The following EFNB2 variants were observed in gnomAD, a reference collection of about 807,000 sequenced individuals.
EFNB2 encodes the protein ephrin B2.
A neutral mutation model predicts 32.1 loss-of-function variants in EFNB2; 5 were observed. The ratio of observed to expected loss-of-function variants is 0.16; its 90% CI spans 0.08 to 0.33. EFNB2 has a LOEUF of 0.33. Among genes scored for constraint, EFNB2 ranks in the 10% least tolerant of loss-of-function variants. The probability of loss-of-function intolerance (pLI) is 1.00; values close to 1 mark genes in which losing one functional copy is unlikely to be tolerated. For missense variants in EFNB2, 263 were observed against 422.6 expected, an observed-to-expected ratio of 0.62 and a Z score of 3.31; for synonymous variants, 168 against 166.5, an observed-to-expected ratio of 1.01 and a Z score of -0.07.
At chr13:106,512,440 C>T in intron 2 of EFNB2, 89 bp downstream of exon 2, 1 of 670,608 alleles carries the variant, frequency 1.5e-6, no homozygotes, top group South Asian at 5.9e-5. Context: ...AATTATTTGT[C>T]ACAATAATTT....
At chr13:106,522,730 T>C (rs1252735659) in intron 1 of EFNB2, among the ~76,000 whole-genome samples, 1 of 152,192 alleles carries the variant, frequency 6.6e-6, no homozygotes, top group Non-Finnish European at 1.5e-5. Context: ...CAAAAATGAT[T>C]CACCCATGTA....
At chr13:106,516,144 G>A (rs1879305579) in intron 1 of EFNB2, 1 of 152,202 alleles carries the variant, frequency 6.6e-6, no homozygotes, top group African/African-American at 2.4e-5. Flanking sequence ...TCACAGACAT[G>A]ATAGGAATTC....
At chr13:106,515,177 T>C (rs1879272450) in intron 1 of EFNB2, among the ~76,000 whole-genome samples, 1 of 152,180 alleles carries the variant, frequency 6.6e-6, no homozygotes, top group Non-Finnish European at 1.5e-5. Flanking sequence ...GTCGAGAACA[T>C]GGGACGCAGG....
intron 2 of EFNB2, chr13:106,510,223 G>A (rs1284047361): frequency 6.6e-6 from 1 of 152,098 alleles, no homozygotes; most frequent in African/African-American, 2.4e-5. Context: ...AATAGATGTC[G>A]TTATTGTGTA....
intron 1 of EFNB2, among the ~76,000 whole-genome samples, chr13:106,529,308 C>T (rs570118515): frequency 1.7e-4 from 26 of 152,258 alleles, no homozygotes; most frequent in South Asian, 4.1e-4. Context: ...GCAACGACCG[C>T]GAAGTGCAGT....
At chr13:106,532,746 G>A (rs1304521889) in intron 1 of EFNB2, among the ~76,000 whole-genome samples, 1 of 151,576 alleles carries the variant, frequency 6.6e-6, no homozygotes, top group Non-Finnish European at 1.5e-5. Context: ...CCGCGCAAAC[G>A]GCAGGCTTCC....
In EFNB2 at chr13:106,493,307, C is replaced by T. The variant is rs761914942; in HGVS notation, c.735G>A (p.Leu245=). The T allele has an allele frequency of 4.3e-6, 7 of 1,614,008 alleles. No homozygotes were observed. Among genetic ancestry groups the T allele is most frequent in the Non-Finnish European group, 5.9e-6 (7 of 1,180,034 alleles). The part of the protein sequence containing the change: ...CIIFIVIIIT[L]VVLLLKYRRR... ...TCCGGTACTTCAGCAAGAGGACCAC[C>T]AGCGTGATGATGATGACGATGAAGA... Residue 245 remains leucine (L), a synonymous_variant, in exon 5 of 5, where the codon CTG becomes CTA. Transcript: ENST00000646441. This position sits in a 1 kb window ranked among gnomAD's most constrained non-coding sequence, Gnocchi z 6.1.
Position 106,490,120 on chromosome 13 carries a change from A to G in EFNB2, c.*2920T>C, listed in dbSNP as rs1213818752. ...ACATTGCAAAATTCAGATTTTATAC[A>G]AAACATCTTGCTTAGACTTTATAAA... On this transcript the variant is annotated 3_prime_UTR_variant, in exon 5 of 5. Transcript: ENST00000646441. 1 of 152,644 alleles carries G rather than the reference A, an allele frequency of 6.6e-6. No homozygotes were observed. The highest frequency in any genetic ancestry group is 1.5e-5 in the Non-Finnish European group (1 of 68,042). The allele number at this position is 152,644 out of a possible 1,614,324, so 9.5% of individuals were successfully genotyped here.
intron 2 of EFNB2, among the ~76,000 whole-genome samples, chr13:106,501,521 A>C (rs1045122496): frequency 6.6e-6 from 1 of 152,208 alleles, no homozygotes; most frequent in African/African-American, 2.4e-5. Context: ...GCCTTATCTT[A>C]GAGCAAGTTT....
In EFNB2 at chr13:106,511,054, T is replaced by C. The variant is rs140381236; in HGVS notation, c.406+1475A>G. Among the ~76,000 whole-genome samples, 438 of 152,244 alleles carry C rather than the reference T, an allele frequency of 2.9e-3. 3 individuals carry two copies. Among genetic ancestry groups the C allele is most frequent in the African/African-American group, 9.9e-3 (413 of 41,560 alleles). On this transcript the variant is annotated intron_variant, in intron 2 of 4. Coordinates refer to ENST00000646441, the MANE Select transcript of EFNB2 (RefSeq NM_004093.4). ...AGTCTTTACTAATATAAATACATTG[T>C]TAGGCTTCCAAAAGCTTAAAGTTTC...
At chr13:106,509,669 G>GTT (rs1879072822) in intron 2 of EFNB2, 1 of 142,048 alleles carries the variant, frequency 7.0e-6, no homozygotes, top group Admixed American at 7.1e-5. Flanking sequence ...GTGTGTGTGT[G>GTT]TGCATTTGTC....
At chr13:106,505,348 C>T (rs1226261396) in intron 2 of EFNB2, among the ~76,000 whole-genome samples, 1 of 152,178 alleles carries the variant, frequency 6.6e-6, no homozygotes, top group African/African-American at 2.4e-5. Context: ...CCTAAGGGTC[C>T]AGCGGCCCTG....
intron 1 of EFNB2, among the ~76,000 whole-genome samples, chr13:106,528,959 A>G (rs1246031779): frequency 6.6e-6 from 1 of 152,198 alleles, no homozygotes; most frequent in Non-Finnish European, 1.5e-5. Flanking sequence ...TTACGAGTAA[A>G]ATTACATCTA....
At chr13:106,529,130 C>A (rs1879794048) in intron 1 of EFNB2, among the ~76,000 whole-genome samples, 1 of 152,106 alleles carries the variant, frequency 6.6e-6, no homozygotes, top group African/African-American at 2.4e-5. Context: ...GACAATGTGT[C>A]CTGTTTACCT....
chr13:106,516,300 T>TG (rs1879310960), intron 1 of EFNB2: 2 of 152,178 alleles, frequency 1.3e-5, no homozygotes, highest in African/African-American at 4.8e-5. Context: ...TGGAAAAAGT[T>TG]CTAAGTATTG....
At chr13:106,497,330 T>C (rs892571108) in intron 2 of EFNB2, among the ~76,000 whole-genome samples, 5 of 152,160 alleles carry the variant, frequency 3.3e-5, no homozygotes, top group African/African-American at 1.2e-4. Flanking sequence ...TAACTGTGGA[T>C]AAATTTTTCC....
chr13:106,496,071 A>G (rs1244524721), intron 2 of EFNB2, among the ~76,000 whole-genome samples: 3 of 152,186 alleles, frequency 2.0e-5, no homozygotes, highest in African/African-American at 7.2e-5. Flanking sequence ...TCTGACTCCA[A>G]ATTTATTTAG....
intron 1 of EFNB2, among the ~76,000 whole-genome samples, chr13:106,528,470 TAA>T (rs35288702): frequency 3.4e-5 from 5 of 145,234 alleles, no homozygotes; most frequent in East Asian, 4.0e-4. Flanking sequence ...TGCTGCTCTT[TAA>T]AAAAAAAAAA....
intron 2 of EFNB2, among the ~76,000 whole-genome samples, chr13:106,504,412 A>ACACAGCTTAGATGGACAT (rs1224910338): frequency 6.6e-6 from 1 of 152,116 alleles, no homozygotes; most frequent in African/African-American, 2.4e-5. Flanking sequence ...TCATGGACAC[A>ACACAGCTTAGATGGACAT]CACAGCTTAG....
Sources: gnomAD v4.1 joint callset for allele counts (sites outside exome capture counted in the v4.1 genomes callset) on GRCh38, gnomAD v4.1.1 for gene constraint, Gnocchi (gnomAD v3.1) non-coding constraint, MANE v1.5 for transcripts, NCBI Gene and HGNC (gene_info 2026-07-23, HGNC 2026-07-21) for gene names.